Variants in GALC observed in about 807,000 individuals in gnomAD.
GALC encodes galactocerebrosidase.
A neutral mutation model predicts 91.8 loss-of-function variants in GALC; 77 were observed. That is an observed-to-expected ratio of 0.84 (90% CI 0.70 to 1.01). The LOEUF (loss-of-function observed/expected upper bound fraction) is 1.01, where lower values mean the gene tolerates loss of function less well. GALC is among the 50% of genes least tolerant of loss of function. The probability of loss-of-function intolerance (pLI) is 0.00; values close to 1 mark genes in which losing one functional copy is unlikely to be tolerated. For synonymous variants in GALC, 357 were observed against 306.7 expected, an observed-to-expected ratio of 1.16 and a Z score of -1.71; for missense variants, 882 against 855.9, an observed-to-expected ratio of 1.03 and a Z score of -0.38.
At chr14:87,941,118 C>G (rs1036072065) in intron 15 of GALC, among the ~76,000 whole-genome samples, 2 of 151,878 alleles carry the variant, frequency 1.3e-5, no homozygotes, top group African/African-American at 2.4e-5. Context: ...TTGATACTAT[C>G]TATGCAAATC....
intron 6 of GALC, 91 bp from the exon 7 acceptor site, chr14:87,976,579 A>T (rs1349536662): frequency 9.5e-7 from 1 of 1,055,806 alleles, no homozygotes; most frequent in African/African-American, 1.6e-5. Flanking sequence ...TTATCTTTAC[A>T]AATCAGCGTT....
intron 16 of GALC, among the ~76,000 whole-genome samples, chr14:87,938,493 A>G (rs1395405459): frequency 2.0e-5 from 3 of 151,968 alleles, no homozygotes; most frequent in Admixed American, 6.6e-5. Flanking sequence ...GAACAGAAAA[A>G]AGTTCAGAAA....
intron 14 of GALC, among the ~76,000 whole-genome samples, chr14:87,944,834 G>C (rs1310023605): frequency 6.6e-6 from 1 of 151,730 alleles, no homozygotes; most frequent in South Asian, 2.1e-4. Flanking sequence ...ATGGCTTTTT[G>C]GTGGCTTGGT....
In GALC at chr14:87,933,939, G is replaced by A. The variant is rs1293635062; in HGVS notation, c.*793C>T. 1 of 1,488,740 alleles carries A rather than the reference G, an allele frequency of 6.7e-7. No individual in the cohort carries two copies. The highest frequency in any genetic ancestry group is 2.0e-5 in the Admixed American group (1 of 50,892). 92.2% of individuals were successfully genotyped at this position (1,488,740 alleles called of 1,614,324 possible). On this transcript the variant is annotated 3_prime_UTR_variant, in exon 17 of 17. Transcript: ENST00000261304. ...GACAGACCACAGCACAGTGAGATGA[G>A]GCTGAGGAAACGACTACAACAGCAT...
chr14:87,980,817 C>T (rs1240992098), intron 6 of GALC, among the ~76,000 whole-genome samples: 2 of 152,322 alleles, frequency 1.3e-5, no homozygotes, highest in South Asian at 2.1e-4. Flanking sequence ...TATAACCATA[C>T]ACACAATGCC....
At position 87,950,040 on chromosome 14, in the gene GALC, T is replaced by G. The variant is rs575825598; in HGVS notation, c.1252-109A>C. On this transcript the variant is annotated intron_variant, in intron 11 of 16. Coordinates refer to ENST00000261304, the MANE Select transcript of GALC (RefSeq NM_000153.4). ...GTACCAATGACAATATTATCTCTAT[T>G]TATCAAGAGAAACACCTCAAATATT... 10 of 656,586 alleles carry G rather than the reference T, an allele frequency of 1.5e-5. No individual in the cohort carries two copies. In the East Asian group the frequency reaches 2.7e-4, roughly 18 times the overall value. The allele number at this position is 656,586 out of a possible 1,614,324, so 40.7% of individuals were successfully genotyped here. A position where few individuals can be genotyped will look rare whatever the true frequency, so the allele number is the denominator to read the frequency against.
intron 5 of GALC, among the ~76,000 whole-genome samples, chr14:87,982,830 T>C (rs1886805922): frequency 6.6e-6 from 1 of 152,158 alleles, no homozygotes; most frequent in Non-Finnish European, 1.5e-5. Flanking sequence ...AGAAAACTGT[T>C]AATAACAAGA....
At chr14:87,944,663 CT>C (rs1270462152) in intron 14 of GALC, among the ~76,000 whole-genome samples, 1 of 152,026 alleles carries the variant, frequency 6.6e-6, no homozygotes, top group Non-Finnish European at 1.5e-5. Flanking sequence ...CTAAAAGTTT[CT>C]TAAGACTTAT....
intron 3 of GALC, chr14:87,987,112 C>T: frequency 2.3e-6 from 1 of 439,888 alleles, no homozygotes; most frequent in Admixed American, 2.7e-5. Context: ...CATATCCACT[C>T]TAAAAATAAC....
intron 16 of GALC, among the ~76,000 whole-genome samples, chr14:87,938,669 T>A (rs1259087942): frequency 6.6e-6 from 1 of 151,958 alleles, no homozygotes; most frequent in East Asian, 1.9e-4. Context: ...ATTAAAGACT[T>A]ACACATAAAA....
intron 15 of GALC, 22 bp from the exon 16 acceptor site, chr14:87,940,003 C>T (rs778781853): frequency 6.4e-6 from 10 of 1,558,190 alleles, no homozygotes; most frequent in Non-Finnish European, 8.0e-6. Context: ...AAATATTATC[C>T]CAATAGATAT....
At chr14:87,981,624 A>C (rs1886753499) in intron 6 of GALC, among the ~76,000 whole-genome samples, 1 of 152,162 alleles carries the variant, frequency 6.6e-6, no homozygotes, top group African/African-American at 2.4e-5. Context: ...CCAATGGCAG[A>C]AGTTATTATT....
At chr14:87,953,899 C>T (rs1885410978) in intron 10 of GALC, 1 of 1,610,204 alleles carries the variant, frequency 6.2e-7, no homozygotes, top group Non-Finnish European at 8.5e-7. Context: ...TCTAAAGTGC[C>T]TTTAGCAACA....
At chr14:87,954,220 G>A in intron 10 of GALC, 4 of 1,550,850 alleles carry the variant, frequency 2.6e-6, no homozygotes, top group Non-Finnish European at 3.6e-6. Context: ...CAGCCTCAGA[G>A]GGTGAACAGT....
chr14:87,975,793 T>G (rs1759752899), intron 7 of GALC, among the ~76,000 whole-genome samples: 1 of 151,954 alleles, frequency 6.6e-6, no homozygotes. Flanking sequence ...CATATCCTAT[T>G]TTTCAAATGT....
At chr14:87,956,858 G>T (rs1158763644) in intron 10 of GALC, among the ~76,000 whole-genome samples, 3 of 151,890 alleles carry the variant, frequency 2.0e-5, no homozygotes, top group Non-Finnish European at 4.4e-5. Context: ...TTCCATATAG[G>T]TTGTACTAAC....
At chr14:87,954,731 GCTCACAGTT>G in intron 10 of GALC, 3 of 1,558,710 alleles carry the variant, frequency 1.9e-6, no homozygotes, top group Non-Finnish European at 2.7e-6. Flanking sequence ...AGCTCTAAAT[GCTCACAGTT>G]CTCTGAAGAG....
chr14:87,949,250 G>T (rs1885206400), intron 12 of GALC, among the ~76,000 whole-genome samples: 1 of 151,994 alleles, frequency 6.6e-6, no homozygotes, highest in Non-Finnish European at 1.5e-5. Context: ...TGTAAGTTTA[G>T]TATGTGAAGA....
intron 16 of GALC, among the ~76,000 whole-genome samples, chr14:87,938,478 A>T (rs572672839): frequency 1.3e-5 from 2 of 152,026 alleles, no homozygotes; most frequent in Non-Finnish European, 2.9e-5. Flanking sequence ...AAACATCAAT[A>T]TGGAGAACAG....
Sources: allele counts gnomAD v4.1 joint callset (sites outside exome capture counted in the v4.1 genomes callset), GRCh38; gene constraint gnomAD v4.1.1; transcripts MANE v1.5; gene names NCBI Gene and HGNC (gene_info 2026-07-23, HGNC 2026-07-21).